Variants in GFRA3 observed in about 807,000 individuals in gnomAD.
GFRA3 encodes the protein GDNF family receptor alpha 3.
GFRA3 carries 24 observed loss-of-function variants against 40.0 expected under a neutral mutation model. The ratio of observed to expected loss-of-function variants is 0.60; its 90% CI spans 0.43 to 0.84. The LOEUF (loss-of-function observed/expected upper bound fraction) is 0.84. GFRA3 is among the 40% of genes least tolerant of loss of function. The pLI is 0.00. For missense variants in GFRA3, 405 were observed against 530.6 expected, an observed-to-expected ratio of 0.76 and a Z score of 2.33; for synonymous variants, 203 against 213.5, an observed-to-expected ratio of 0.95 and a Z score of 0.43.
chr5:138,256,565 A>ACC (rs1561649259), intron 4 of GFRA3, among the ~76,000 whole-genome samples: 2 of 147,026 alleles, frequency 1.4e-5, no homozygotes, highest in Non-Finnish European at 3.0e-5. Flanking sequence ...AAAAAAAAAA[A>ACC]CAAAACAAAA....
Position 138,254,129 on chromosome 5 carries a change from G to A in GFRA3, c.817C>T (p.His273Tyr). Residue 273 changes from histidine (H) to tyrosine (Y), a missense_variant, in exon 5 of 8, where the codon CAT becomes TAT. His to Tyr is a moderately conservative substitution (Grantham distance 83, BLOSUM62 2). Transcript: ENST00000274721. ...CAAGTTCCTAGGATGTCCATGGGAT[G>A]GCAGTGGGTCTGGAAATCCACCAGG... The part of the protein sequence containing the change: ...SRLVDFQTHC[H>Y]PMDILGTCAT... The A allele has an allele frequency of 6.2e-7, 1 of 1,609,810 alleles. No individual in the cohort carries two copies. The highest frequency in any genetic ancestry group is 8.5e-7 in the Non-Finnish European group (1 of 1,176,258).
chr5:138,254,903 GAGCAACAC>G (rs1755604371), intron 4 of GFRA3, among the ~76,000 whole-genome samples: 1 of 150,978 alleles, frequency 6.6e-6, no homozygotes, highest in African/African-American at 2.4e-5. Context: ...AGACTACCCT[GAGCAACAC>G]AGCAAGACCC....
intron 3 of GFRA3, among the ~76,000 whole-genome samples, chr5:138,258,469 G>A (rs940068631): frequency 1.3e-5 from 2 of 151,886 alleles, no homozygotes; most frequent in Non-Finnish European, 1.5e-5. Flanking sequence ...GGCATGAACC[G>A]CCGCGCCCGG....
chr5:138,257,035 C>T (rs1337685679), intron 4 of GFRA3, among the ~76,000 whole-genome samples: 1 of 151,926 alleles, frequency 6.6e-6, no homozygotes, highest in Non-Finnish European at 1.5e-5. Context: ...CGGTACTCTA[C>T]ACCACTCTAC....
chr5:138,254,585 C>T (rs541933871), intron 4 of GFRA3, among the ~76,000 whole-genome samples: 1 of 152,282 alleles, frequency 6.6e-6, no homozygotes, highest in Non-Finnish European at 1.5e-5. Flanking sequence ...TCCTCCTCTG[C>T]CTTCAGAGCC....
At chr5:138,270,384 A>T (rs1755852434) in intron 1 of GFRA3, among the ~76,000 whole-genome samples, 1 of 151,872 alleles carries the variant, frequency 6.6e-6, no homozygotes, top group African/African-American at 2.4e-5. Context: ...AAAAAAAAAA[A>T]AAAGGAATGA....
At chr5:138,255,701 C>A (rs1388031018) in intron 4 of GFRA3, among the ~76,000 whole-genome samples, 1 of 152,028 alleles carries the variant, frequency 6.6e-6, no homozygotes, top group Non-Finnish European at 1.5e-5. Flanking sequence ...GAGTTCAACA[C>A]TGGCCTGGCC....
chr5:138,266,308 A>G (rs537874414), intron 1 of GFRA3, among the ~76,000 whole-genome samples: 15 of 152,290 alleles, frequency 9.8e-5, no homozygotes, highest in African/African-American at 2.9e-4. Flanking sequence ...CAAGGAGTCT[A>G]GTTTCTATAC....
In GFRA3 at chr5:138,252,703, A is replaced by G. The variant is rs1256753037; in HGVS notation, c.*265T>C. The G allele has an allele frequency of 5.4e-5, 19 of 351,902 alleles. No homozygotes were observed. The allele number at this position is 351,902 out of a possible 1,614,324, so 21.8% of individuals were successfully genotyped here. On this transcript the variant is annotated 3_prime_UTR_variant, in exon 8 of 8. Coordinates refer to ENST00000274721, the MANE Select transcript of GFRA3 (RefSeq NM_001496.4). ...CTGGTAGTCAAGAGGAAGGGCTCAG[A>G]AAGGGGCTTGGTGGAGCTGGTCACC... is the stretch of plus-strand genomic sequence containing the variant.
rs545355125 is a variant in GFRA3, at chr5:138,259,286, C to T, written c.472+271G>A. ...CCTGGGGCTGCTGCCACTCCCACCA[C>T]GCCCTTTGCAGGGGCTCGCCTTGTG... On this transcript the variant is annotated intron_variant, in intron 3 of 7. Transcript: ENST00000274721. Among the ~76,000 whole-genome samples, 8 of 152,368 alleles carry T rather than the reference C, an allele frequency of 5.3e-5. No individual in the cohort carries two copies. In the South Asian group the frequency reaches 6.2e-4, roughly 12 times the overall value.
chr5:138,265,146 A>G (rs1755764988), intron 1 of GFRA3, among the ~76,000 whole-genome samples: 1 of 151,974 alleles, frequency 6.6e-6, no homozygotes, highest in Admixed American at 6.6e-5. Flanking sequence ...AGGGTGCTCA[A>G]CATGGGGTAA....
chr5:138,256,476 C>A (rs1332319053), intron 4 of GFRA3, among the ~76,000 whole-genome samples: 2 of 149,416 alleles, frequency 1.3e-5, no homozygotes, highest in Admixed American at 6.8e-5. Context: ...TGCAGTGAGC[C>A]GAGACTGCGC....
chr5:138,254,439 G>A (rs896483756), intron 4 of GFRA3, among the ~76,000 whole-genome samples: 4 of 151,986 alleles, frequency 2.6e-5, no homozygotes, highest in African/African-American at 9.7e-5. Flanking sequence ...CACCTGCCTT[G>A]GCCTCTCAAA....
intron 2 of GFRA3, among the ~76,000 whole-genome samples, chr5:138,260,851 G>T (rs1755699162): frequency 6.6e-6 from 1 of 151,418 alleles, no homozygotes; most frequent in African/African-American, 2.4e-5. Context: ...AACACAGCAG[G>T]ACTTCATCTC....
In GFRA3 at chr5:138,271,977, T is replaced by G. The variant is rs539385933; in HGVS notation, c.91+2357A>C. 7.4e-4 allele frequency among the ~76,000 whole-genome samples: 103 copies of G among 138,816 alleles called. 3 individuals are homozygous for G. Among genetic ancestry groups the G allele is most frequent in the African/African-American group, 2.8e-3 (97 of 34,946 alleles). 91.1% of individuals were successfully genotyped at this position (138,816 alleles called of 152,430 possible). On this transcript the variant is annotated intron_variant, in intron 1 of 7. Transcript: ENST00000274721. Reference sequence around the variant, plus strand: ...TTGTTTTATTTGTTTGTTTGGTTGGTTTTTTTTGCACGTTCACAGTATTTT... The same window carrying G: ...TTGTTTTATTTGTTTGTTTGGTTGGGTTTTTTTGCACGTTCACAGTATTTT...
At chr5:138,273,944 A>G (rs531637521) in intron 1 of GFRA3, among the ~76,000 whole-genome samples, 1 of 152,322 alleles carries the variant, frequency 6.6e-6, no homozygotes, top group Admixed American at 6.5e-5. Context: ...TGGAAGAGTT[A>G]AAGCCCACGT....
At chr5:138,264,018 T>G (rs1193954713) in intron 2 of GFRA3, among the ~76,000 whole-genome samples, 1 of 152,120 alleles carries the variant, frequency 6.6e-6, no homozygotes, top group African/African-American at 2.4e-5. Context: ...GGTTCACAGC[T>G]CTGCTAAGTG....
chr5:138,260,186 G>T (rs969086021), intron 2 of GFRA3, among the ~76,000 whole-genome samples: 18 of 152,170 alleles, frequency 1.2e-4, no homozygotes, highest in Non-Finnish European at 4.4e-5. Context: ...CCCCACTGAT[G>T]GCAGGCTTGG....
At chr5:138,272,248 T>C (rs1464523475) in intron 1 of GFRA3, among the ~76,000 whole-genome samples, 2 of 151,182 alleles carry the variant, frequency 1.3e-5, no homozygotes, top group Non-Finnish European at 2.9e-5. Context: ...CCTCGTGATC[T>C]ACCCGTCTCA....
Sources: allele counts gnomAD v4.1 joint callset (sites outside exome capture counted in the v4.1 genomes callset), GRCh38; gene constraint gnomAD v4.1.1; transcripts MANE v1.5; gene names NCBI Gene and HGNC (gene_info 2026-07-23, HGNC 2026-07-21).